Variants in TTC34 observed in about 807,000 individuals in gnomAD.
TTC34 encodes tetratricopeptide repeat protein 34.
A neutral mutation model predicts 40.7 loss-of-function variants in TTC34; 44 were observed. The observed-to-expected ratio is 1.08, with a 90% CI of 0.85 to 1.39. TTC34 has a LOEUF of 1.39. Ranked by LOEUF, TTC34 falls within the 40% of genes most tolerant of loss-of-function variation. The pLI is 0.00. For synonymous variants in TTC34, 422 were observed against 398.6 expected (o/e 1.06, Z -0.70); for missense variants, 884 against 838.0 (o/e 1.05, Z -0.68).
chr1:2,638,387 G>C (rs1638832269), exon 9 of TTC34: 1 of 152,236 alleles, frequency 6.6e-6, no homozygotes, highest in Non-Finnish European at 1.5e-5. Context: ...CACATTAGCT[G>C]CTGGAAATGA....
intron 6 of TTC34, among the ~76,000 whole-genome samples, chr1:2,683,408 G>C (rs1171233483): frequency 2.3e-5 from 3 of 129,592 alleles, no homozygotes; most frequent in African/African-American, 6.3e-5. Flanking sequence ...GTGAGCATCC[G>C]ATAGCCTGGA....
intron 6 of TTC34, among the ~76,000 whole-genome samples, chr1:2,656,368 A>T (rs1557589929): frequency 3.4e-4 from 33 of 95,716 alleles, no homozygotes; most frequent in Middle Eastern, 5.4e-3. Flanking sequence ...CTGGAACAGC[A>T]CCCACACCCA....
At chr1:2,769,881 G>C (rs1472644112) in intron 6 of TTC34, among the ~76,000 whole-genome samples, 2 of 87,202 alleles carry the variant, frequency 2.3e-5, no homozygotes. Context: ...ACCCCCAGTT[G>C]AGTAGCTGAC....
At chr1:2,694,995 C>G (rs967430988) in intron 6 of TTC34, among the ~76,000 whole-genome samples, 11 of 146,874 alleles carry the variant, frequency 7.5e-5, no homozygotes, top group South Asian at 2.1e-4. Flanking sequence ...CCCTGCACCC[C>G]CAGGTGAGGA....
intron 6 of TTC34, among the ~76,000 whole-genome samples, chr1:2,683,364 A>G (rs1431934302): frequency 1.5e-5 from 2 of 135,262 alleles, no homozygotes; most frequent in Non-Finnish European, 3.1e-5. Flanking sequence ...CCAGGTGAGC[A>G]TCTGATGGCT....
chr1:2,674,966 G>T (rs1639844277), intron 6 of TTC34, among the ~76,000 whole-genome samples: 1 of 131,052 alleles, frequency 7.6e-6, no homozygotes, highest in South Asian at 2.4e-4. Context: ...CATAGCCCAT[G>T]GTGAGCACCT....
rs1371618441 is a variant in TTC34 at position 2,751,673 on chromosome 1, G to T, written c.2226+31936C>A. Among the ~76,000 whole-genome samples, 2 of 148,254 alleles carry T rather than the reference G, an allele frequency of 1.3e-5. 1 individual carries two copies. The highest frequency in any genetic ancestry group is 1.3e-4 in the Admixed American group (2 of 14,870). On this transcript the variant is annotated intron_variant, in intron 6 of 8. Coordinates refer to ENST00000401095, the Ensembl canonical transcript of TTC34. ...CCCCAGTTGAGCATTGGACAGCCTG[G>T]ATCAGCACCCACAACCCCAAGCGAG...
At chr1:2,675,241 C>A (rs1386297714) in intron 6 of TTC34, among the ~76,000 whole-genome samples, 8 of 145,956 alleles carry the variant, frequency 5.5e-5, no homozygotes, top group Admixed American at 4.2e-4. Context: ...GCACCCACAA[C>A]CCCAGGTGAG....
chr1:2,685,129 G>A (rs1188567482), intron 6 of TTC34, among the ~76,000 whole-genome samples: 1 of 143,638 alleles, frequency 7.0e-6, no homozygotes, highest in Non-Finnish European at 1.5e-5. Flanking sequence ...CCCCAGGCGA[G>A]CATCGGACGG....
chr1:2,643,285 G>T (rs997409015), intron 8 of TTC34, among the ~76,000 whole-genome samples: 2 of 152,224 alleles, frequency 1.3e-5, no homozygotes, highest in African/African-American at 4.8e-5. Context: ...TTTCCGGGTG[G>T]GTCCCCGTCT....
intron 6 of TTC34, among the ~76,000 whole-genome samples, chr1:2,780,402 C>A (rs1358065373): frequency 6.6e-6 from 1 of 152,104 alleles, no homozygotes; most frequent in Non-Finnish European, 1.5e-5. Flanking sequence ...GTGCTTACTT[C>A]TAAGAATTTT....
chr1:2,749,370 T>G (rs1468207149), intron 6 of TTC34, among the ~76,000 whole-genome samples: 3 of 92,576 alleles, frequency 3.2e-5, no homozygotes, highest in African/African-American at 6.5e-5. Context: ...CATGCCCAGG[T>G]GAGACCCTGA....
chr1:2,749,630 A>C (rs1224471293), intron 6 of TTC34, among the ~76,000 whole-genome samples: 8 of 108,586 alleles, frequency 7.4e-5, no homozygotes, highest in African/African-American at 2.8e-4. Context: ...GATGGTCTGG[A>C]GCAGCCCCCA....
chr1:2,789,537 C>T (rs1457397919), exon 3 of TTC34: 4 of 1,501,424 alleles, frequency 2.7e-6, no homozygotes, highest in Non-Finnish European at 2.7e-6. Flanking sequence ...GTCTCTGCGG[C>T]CTCCCTCCGG....
At chr1:2,644,306 C>G in exon 8 of TTC34, 1 of 1,535,556 alleles carries the variant, frequency 6.5e-7, no homozygotes, top group South Asian at 1.2e-5. Flanking sequence ...GGAGATGCAG[C>G]AGGCAGCTGA....
chr1:2,767,713 C>T (rs1156814419), intron 6 of TTC34, among the ~76,000 whole-genome samples: 5 of 135,258 alleles, frequency 3.7e-5, no homozygotes, highest in South Asian at 2.7e-4. Context: ...CTACCTGGAA[C>T]AGAACCCCGC....
intron 2 of TTC34, among the ~76,000 whole-genome samples, chr1:2,798,824 C>T (rs1296616316): frequency 9.6e-6 from 1 of 104,528 alleles, no homozygotes; most frequent in Non-Finnish European, 1.9e-5. Flanking sequence ...CCTCCCAGCC[C>T]ACCAGCCTCC....
chr1:2,641,353 G>A (rs1338696514), exon 9 of TTC34: 1 of 1,477,938 alleles, frequency 6.8e-7, no homozygotes, highest in Non-Finnish European at 9.0e-7. Context: ...AGGGCTGGGA[G>A]AGGGTCAGGC....
chr1:2,688,031 GTAACAGCACCCACACCCCCAGGTA>G (rs1640445685), intron 6 of TTC34, among the ~76,000 whole-genome samples: 1 of 133,874 alleles, frequency 7.5e-6, no homozygotes, highest in African/African-American at 3.2e-5. Flanking sequence ...CTGACTGCAT[GTAACAGCACCCACACCCCCAGGTA>G]AGCATCTGAC....
Sources: allele counts gnomAD v4.1 joint callset (sites outside exome capture counted in the v4.1 genomes callset), GRCh38; gene constraint gnomAD v4.1.1; transcripts MANE v1.5; gene names NCBI Gene and HGNC (gene_info 2026-07-23, HGNC 2026-07-21).